Variants in CDH6 observed in about 807,000 individuals in gnomAD.
The protein encoded by CDH6 is cadherin-6.
A neutral mutation model predicts 78.0 loss-of-function variants in CDH6; 31 were observed. The ratio of observed to expected loss-of-function variants is 0.40; its 90% CI spans 0.30 to 0.54. The LOEUF (loss-of-function observed/expected upper bound fraction) is 0.54, where lower values mean the gene tolerates loss of function less well. Among genes scored for constraint, CDH6 ranks in the 20% least tolerant of loss-of-function variants. The pLI is 0.56. For missense variants in CDH6, 724 were observed against 975.9 expected (o/e 0.74, Z 3.44); for synonymous variants, 376 against 368.8 (o/e 1.02, Z -0.23).
chr5:31,261,729 A>G (rs978698243), intron 1 of CDH6, among the ~76,000 whole-genome samples: 5 of 152,218 alleles, frequency 3.3e-5, no homozygotes, highest in African/African-American at 9.6e-5. Context: ...GAATTAATCA[A>G]CAACACCAGA....
chr5:31,242,588 C>T (rs546904154), intron 1 of CDH6, among the ~76,000 whole-genome samples: 2 of 152,030 alleles, frequency 1.3e-5, no homozygotes, highest in South Asian at 4.2e-4. Flanking sequence ...AGGATCGTAG[C>T]ATGCAGGGAA....
intron 7 of CDH6, among the ~76,000 whole-genome samples, chr5:31,307,398 G>A (rs1307828655): frequency 6.6e-6 from 1 of 152,096 alleles, no homozygotes; most frequent in African/African-American, 2.4e-5. Flanking sequence ...AAAAATTCCT[G>A]GCTTACTTTC....
At chr5:31,233,980 T>A (rs1309385097) in intron 1 of CDH6, among the ~76,000 whole-genome samples, 1 of 152,234 alleles carries the variant, frequency 6.6e-6, no homozygotes, top group African/African-American at 2.4e-5. Flanking sequence ...AATGATTGAA[T>A]TATTACATGT....
At chr5:31,302,028 C>A in intron 5 of CDH6, 83 bp from the exon 6 acceptor site, 1 of 854,594 alleles carries the variant, frequency 1.2e-6, no homozygotes, top group Non-Finnish European at 1.8e-6. Context: ...TCTTAAAGAA[C>A]TGTTAGAGAA....
intron 11 of CDH6, chr5:31,318,244 AT>A (rs1408410628): frequency 1.7e-6 from 1 of 571,464 alleles, no homozygotes; most frequent in Non-Finnish European, 3.1e-6. Context: ...TCGTTGTGTA[AT>A]TTTTTTACTT....
chr5:31,285,837 A>G (rs1467236549), intron 2 of CDH6, among the ~76,000 whole-genome samples: 1 of 152,150 alleles, frequency 6.6e-6, no homozygotes, highest in African/African-American at 2.4e-5. Context: ...TGGCTTTACT[A>G]TTGTGTTGAA....
At chr5:31,201,771 A>C (rs1740355902) in intron 1 of CDH6, among the ~76,000 whole-genome samples, 1 of 152,208 alleles carries the variant, frequency 6.6e-6, no homozygotes, top group South Asian at 2.1e-4. Flanking sequence ...GGATGAACAA[A>C]AAGTAAAGGG....
At chr5:31,307,075 G>A (rs1048942953) in intron 7 of CDH6, among the ~76,000 whole-genome samples, 1 of 152,112 alleles carries the variant, frequency 6.6e-6, no homozygotes, top group Non-Finnish European at 1.5e-5. Context: ...GAGAGAGGGA[G>A]GCGAGGTCAG....
At chr5:31,299,237 A>G (rs1737690180) in intron 4 of CDH6, among the ~76,000 whole-genome samples, 1 of 151,906 alleles carries the variant, frequency 6.6e-6, no homozygotes, top group South Asian at 2.1e-4. Flanking sequence ...ACTTGTACTT[A>G]TTTTTATTCT....
intron 1 of CDH6, among the ~76,000 whole-genome samples, chr5:31,238,020 T>G (rs966930918): frequency 7.2e-5 from 11 of 152,212 alleles, no homozygotes; most frequent in African/African-American, 2.7e-4. Context: ...TTAATTCCTT[T>G]CTCTTCCTTT....
At chr5:31,212,764 A>G (rs1579819337) in intron 1 of CDH6, among the ~76,000 whole-genome samples, 1 of 126,788 alleles carries the variant, frequency 7.9e-6, no homozygotes, top group African/African-American at 2.6e-5. Context: ...ATGAACGTGC[A>G]CACACACACA....
rs3805529 is a variant in CDH6, at chr5:31,307,678, C to T, written c.1253+2251C>T. On this transcript the variant is annotated intron_variant, in intron 7 of 11. Transcript: ENST00000265071. Reference sequence around the variant, plus strand: ...GTTGTAACTGCATAAGGAAAAAAATCTTAGCAAGTAAGTATCAAATTCAAT... The same window carrying T: ...GTTGTAACTGCATAAGGAAAAAAATTTTAGCAAGTAAGTATCAAATTCAAT... Among the ~76,000 whole-genome samples, 404 of 152,282 alleles carry T rather than the reference C, an allele frequency of 2.7e-3. 6 individuals are homozygous for T. In the South Asian group the frequency reaches 0.043, roughly 16 times the overall value.
chr5:31,293,395 G>GA lies in CDH6; in HGVS notation c.229-560dup, dbSNP rs538223081. Reference sequence around the variant, plus strand: ...AATAAATAAATATCACATCTTCCCAGAAAAAAATGATTATAATCTCTATCA... The same window carrying GA: ...AATAAATAAATATCACATCTTCCCAGAAAAAAAATGATTATAATCTCTATCA... On this transcript the variant is annotated intron_variant, in intron 2 of 11. Transcript: ENST00000265071. 3.9e-4 allele frequency among the ~76,000 whole-genome samples: 60 copies of GA among 151,984 alleles called. 1 individual carries two copies. In the East Asian group the frequency reaches 0.01, roughly 26 times the overall value.
chr5:31,297,894 G>A (rs1737656486), intron 4 of CDH6, among the ~76,000 whole-genome samples: 1 of 152,186 alleles, frequency 6.6e-6, no homozygotes, highest in Non-Finnish European at 1.5e-5. Flanking sequence ...CCTTGCCACA[G>A]TGATCATGGA....
At chr5:31,234,348 C>G (rs1741395522) in intron 1 of CDH6, among the ~76,000 whole-genome samples, 1 of 152,148 alleles carries the variant, frequency 6.6e-6, no homozygotes, top group African/African-American at 2.4e-5. Flanking sequence ...TGGTTTTATT[C>G]ATGGACTGTG....
At position 31,327,464 on chromosome 5, in the gene CDH6, A is replaced by G. The variant is rs1296425254; in HGVS notation, c.*4156A>G. On this transcript the variant is annotated 3_prime_UTR_variant, in exon 12 of 12. Transcript: ENST00000265071. ...TCATTATAGTGTAATCTTAATTTTT[A>G]TGTTTTATCAAGATGAAATCTTGTT... 1 of 191,756 alleles carries G rather than the reference A, an allele frequency of 5.2e-6. No individual in the cohort carries two copies. The highest frequency in any genetic ancestry group is 8.3e-5 in the East Asian group (1 of 12,010). 11.9% of individuals were successfully genotyped at this position (191,756 alleles called of 1,614,324 possible).
intron 7 of CDH6, among the ~76,000 whole-genome samples, 192 bp from the exon 8 acceptor site, chr5:31,313,126 G>A (rs1738201852): frequency 6.6e-6 from 1 of 152,086 alleles, no homozygotes; most frequent in Non-Finnish European, 1.5e-5. Flanking sequence ...CCTCCATTGT[G>A]AAGAACTAAT....
chr5:31,238,245 C>A (rs1741503542), intron 1 of CDH6, among the ~76,000 whole-genome samples: 1 of 152,208 alleles, frequency 6.6e-6, no homozygotes, highest in African/African-American at 2.4e-5. Flanking sequence ...TAATCAAATT[C>A]TATTGTGCAT....
chr5:31,213,617 GC>G (rs757020684), intron 1 of CDH6, among the ~76,000 whole-genome samples: 6 of 152,140 alleles, frequency 3.9e-5, no homozygotes, highest in African/African-American at 7.2e-5. Context: ...TTTTTTTAAA[GC>G]CTTTTCGGAA....
Sources: allele counts gnomAD v4.1 joint callset (sites outside exome capture counted in the v4.1 genomes callset), GRCh38; gene constraint gnomAD v4.1.1; transcripts MANE v1.5; gene names NCBI Gene and HGNC (gene_info 2026-07-23, HGNC 2026-07-21).